The following TMEM248 variants were observed in gnomAD, a reference collection of about 807,000 sequenced individuals.
TMEM248 encodes transmembrane protein 248.
A neutral mutation model predicts 30.3 loss-of-function variants in TMEM248; 9 were observed. The ratio of observed to expected loss-of-function variants is 0.30; its 90% CI spans 0.18 to 0.52. TMEM248 has a LOEUF of 0.52. Among genes scored for constraint, TMEM248 ranks in the 20% least tolerant of loss-of-function variants. The pLI is 0.97. For missense variants in TMEM248, 338 were observed against 403.3 expected, an observed-to-expected ratio of 0.84 and a Z score of 1.39; for synonymous variants, 184 against 154.4, an observed-to-expected ratio of 1.19 and a Z score of -1.42.
intron 1 of TMEM248, among the ~76,000 whole-genome samples, chr7:66,932,906 A>G (rs1387790168): frequency 6.8e-6 from 1 of 147,368 alleles, no homozygotes; most frequent in Non-Finnish European, 1.5e-5. Context: ...TCACTCCATC[A>G]CCCAGGCTGG....
chr7:66,939,157 G>A (rs185780219), intron 1 of TMEM248, among the ~76,000 whole-genome samples: 1 of 152,252 alleles, frequency 6.6e-6, no homozygotes, highest in Non-Finnish European at 1.5e-5. Flanking sequence ...ATGGAATGGA[G>A]CAGGCTCCTT....
rs892582721 is a variant in TMEM248 at position 66,956,970 on chromosome 7, C to T, written c.*1448C>T. 6.6e-6 allele frequency: 1 copy of T among 152,608 alleles called. No homozygotes were observed. The highest frequency in any genetic ancestry group is 2.4e-5 in the African/African-American group (1 of 41,468). The allele number at this position is 152,608 out of a possible 1,614,324, so 9.5% of individuals were successfully genotyped here. On this transcript the variant is annotated 3_prime_UTR_variant, in exon 7 of 7. Transcript: ENST00000341567. ...GATTCCAGGCGTCAGCCACTGCTCT[C>T]GGCCCTCTTACACCATTTTGTTTGA...
intron 1 of TMEM248, among the ~76,000 whole-genome samples, chr7:66,925,306 C>T (rs1488647554): frequency 6.6e-6 from 1 of 152,172 alleles, no homozygotes; most frequent in Non-Finnish European, 1.5e-5. Flanking sequence ...AAGGTGTGAG[C>T]CACCCAAAAA....
In TMEM248 at chr7:66,951,052, T is replaced by G; in HGVS notation, c.697T>G (p.Tyr233Asp). The change falls in exon 5 of 7, where the codon TAC becomes GAC. Residue 233 changes from tyrosine (Y) to aspartate (D), a missense_variant. Coordinates refer to ENST00000341567, the MANE Select transcript of TMEM248 (RefSeq NM_017994.5). ...RDANTKYAQD[Y>D]NPFWCYKGAI... ...TGCCAACACAAAATACGCCCAAGAT[T>G]ACAATCCTTTCTGGTGTTATAAGGG... 1 of 1,613,290 alleles carries G rather than the reference T, an allele frequency of 6.2e-7. No homozygotes were observed. The highest frequency in any genetic ancestry group is 1.3e-5 in the African/African-American group (1 of 75,020).
At chr7:66,946,828 G>A (rs1449687480) in intron 3 of TMEM248, among the ~76,000 whole-genome samples, 2 of 152,224 alleles carry the variant, frequency 1.3e-5, no homozygotes, top group Non-Finnish European at 2.9e-5. Flanking sequence ...CTAGAAGGCA[G>A]TGGAAGCTGG....
chr7:66,942,614 G>C (rs1367579144), intron 2 of TMEM248, among the ~76,000 whole-genome samples: 1 of 152,168 alleles, frequency 6.6e-6, no homozygotes, highest in Non-Finnish European at 1.5e-5. Context: ...TCCTGCCTCA[G>C]CCTCCTGAGT....
intron 1 of TMEM248, among the ~76,000 whole-genome samples, chr7:66,940,673 T>C (rs1791924016): frequency 6.6e-6 from 1 of 152,126 alleles, no homozygotes; most frequent in Non-Finnish European, 1.5e-5. Flanking sequence ...TGGCAGGGCT[T>C]CTGAGTCCTG....
At chr7:66,952,437 G>A (rs1792289926) in intron 5 of TMEM248, among the ~76,000 whole-genome samples, 1 of 152,228 alleles carries the variant, frequency 6.6e-6, no homozygotes, top group Admixed American at 6.5e-5. Context: ...TGGAGGTCAG[G>A]CTGGATGGTG....
chr7:66,926,820 A>G (rs773041676), intron 1 of TMEM248, among the ~76,000 whole-genome samples: 3 of 152,150 alleles, frequency 2.0e-5, no homozygotes, highest in Non-Finnish European at 2.9e-5. Context: ...ACATTTGACA[A>G]GAGGTCTGTA....
At chr7:66,951,239 A>T in intron 5 of TMEM248, 104 bp downstream of exon 5, 1 of 1,118,132 alleles carries the variant, frequency 8.9e-7, no homozygotes, top group Non-Finnish European at 1.2e-6. Context: ...TCCCTGGGTA[A>T]GCGTATCCTC....
chr7:66,936,866 T>G (rs1791816955), intron 1 of TMEM248, among the ~76,000 whole-genome samples: 1 of 152,194 alleles, frequency 6.6e-6, no homozygotes. Context: ...TTCATCTGGT[T>G]CAAAACACCA....
intron 2 of TMEM248, 83 bp from the exon 3 acceptor site, chr7:66,944,893 C>T (rs1792051402): frequency 3.4e-6 from 5 of 1,455,336 alleles, no homozygotes; most frequent in African/African-American, 2.8e-5. Context: ...GCTGCGGTGC[C>T]ACACTGGGGT....
chr7:66,948,645 A>T lies in TMEM248; in HGVS notation c.547A>T (p.Thr183Ser), dbSNP rs145761264. ...LHGHCEQVVF[T>S]ACMTLTASPG... ...CGGTCACTGTGAGCAGGTGGTATTC[A>T]CAGCCTGCATGACCCTCACGGCCAG... Residue 183 changes from threonine (T) to serine (S), a missense_variant, in exon 4 of 7, where the codon ACA (threonine) becomes TCA (serine). By Grantham distance (58) the Thr-to-Ser change is moderately conservative (BLOSUM62 1). Coordinates refer to ENST00000341567, the MANE Select transcript of TMEM248 (RefSeq NM_017994.5). 5 of 1,613,952 alleles carry T rather than the reference A, an allele frequency of 3.1e-6. No individual in the cohort carries two copies. The African/African-American group carries it at 5.3e-5, about 17-fold the overall frequency.
intron 6 of TMEM248, among the ~76,000 whole-genome samples, chr7:66,954,120 T>A (rs1792343106): frequency 6.6e-6 from 1 of 151,308 alleles, no homozygotes; most frequent in South Asian, 2.1e-4. Flanking sequence ...ATTTTTGTAT[T>A]TTTAGTAGAT....
chr7:66,948,665 G>C lies in TMEM248; in HGVS notation c.567G>C (p.Thr189=), dbSNP rs955208336. The C allele has an allele frequency of 6.2e-7, 1 of 1,613,666 alleles. No homozygotes were observed. The highest frequency in any genetic ancestry group is 1.7e-5 in the Admixed American group (1 of 59,978). The change falls in exon 4 of 7, where the codon ACG becomes ACC. Residue 189 remains threonine, a synonymous_variant. Coordinates refer to ENST00000341567, the MANE Select transcript of TMEM248 (RefSeq NM_017994.5). Reference sequence around the variant, plus strand: ...TATTCACAGCCTGCATGACCCTCACGGCCAGCCCTGGGGTGTTCCCCGTCA... The same window carrying C: ...TATTCACAGCCTGCATGACCCTCACCGCCAGCCCTGGGGTGTTCCCCGTCA... ...QVVFTACMTL[T]ASPGVFPVTV...
chr7:66,921,868 C>G (rs746390458), intron 1 of TMEM248: 4 of 152,258 alleles, frequency 2.6e-5, no homozygotes, highest in Admixed American at 2.6e-4. Flanking sequence ...GAGAGACTCA[C>G]GTACGTCCAC....
chr7:66,952,569 G>A (rs577453567), intron 5 of TMEM248, among the ~76,000 whole-genome samples: 14 of 152,320 alleles, frequency 9.2e-5, no homozygotes, highest in Admixed American at 4.6e-4. Context: ...ACCTGGGGGA[G>A]CCCAGAGCTG....
chr7:66,939,117 C>T (rs1562940476), intron 1 of TMEM248, among the ~76,000 whole-genome samples: 1 of 152,148 alleles, frequency 6.6e-6, no homozygotes, highest in Non-Finnish European at 1.5e-5. Flanking sequence ...ATTAATATGC[C>T]TTAGGAAATC....
At position 66,944,863 on chromosome 7, in the gene TMEM248, G is replaced by A. The variant is rs572115494; in HGVS notation, c.160-113G>A. 288 of 1,110,284 alleles carry A rather than the reference G, an allele frequency of 2.6e-4. 1 individual carries two copies. In the South Asian group the frequency reaches 3.6e-3, roughly 14 times the overall value. The allele number at this position is 1,110,284 out of a possible 1,614,324, so 68.8% of individuals were successfully genotyped here. A position where few individuals can be genotyped will look rare whatever the true frequency, so the allele number is the denominator to read the frequency against. On this transcript the variant is annotated intron_variant, in intron 2 of 6. Transcript: ENST00000341567. Reference sequence around the variant, plus strand: ...GTCATGATCTTAAATGATCAGCTCTGAATTGTAGTTTGCTGATGTGCTGCG... The same window carrying A: ...GTCATGATCTTAAATGATCAGCTCTAAATTGTAGTTTGCTGATGTGCTGCG...
Sources: allele counts gnomAD v4.1 joint callset (sites outside exome capture counted in the v4.1 genomes callset), GRCh38; gene constraint gnomAD v4.1.1; transcripts MANE v1.5; gene names NCBI Gene and HGNC (gene_info 2026-07-23, HGNC 2026-07-21).